Variants in WNT9B observed in about 807,000 individuals in gnomAD.
The protein encoded by WNT9B is Wnt family member 9B.
In WNT9B, 12 loss-of-function variants were observed where a neutral mutation model predicts 30.2. The ratio of observed to expected loss-of-function variants is 0.40; its 90% CI spans 0.26 to 0.64. The LOEUF (loss-of-function observed/expected upper bound fraction) is 0.64, where lower values mean the gene tolerates loss of function less well. Ranked by LOEUF, WNT9B falls within the 30% of genes least tolerant of loss-of-function variation. The pLI, the probability that WNT9B is intolerant of heterozygous loss-of-function variation, is 0.42. For synonymous variants in WNT9B, 218 were observed against 216.9 expected, an observed-to-expected ratio of 1.01 and a Z score of -0.05; for missense variants, 442 against 485.2, an observed-to-expected ratio of 0.91 and a Z score of 0.84.
intron 1 of WNT9B, among the ~76,000 whole-genome samples, chr17:46,865,813 C>T (rs1379213802): frequency 1.3e-5 from 2 of 152,084 alleles, no homozygotes; most frequent in Non-Finnish European, 2.9e-5. Flanking sequence ...GTCTCACTTA[C>T]GTTGCCCAGG....
At chr17:46,884,844 C>T (rs1026942198), downstream of WNT9B, among the ~76,000 whole-genome samples, 1 of 152,074 alleles carries the variant, frequency 6.6e-6, no homozygotes, top group African/African-American at 2.4e-5. Flanking sequence ...AGGGAGAGGC[C>T]GTGGAGCTGG....
intron 1 of WNT9B, among the ~76,000 whole-genome samples, chr17:46,839,072 T>G (rs575294471): frequency 6.6e-6 from 1 of 152,150 alleles, no homozygotes; most frequent in East Asian, 1.9e-4. Flanking sequence ...GAGACAGACT[T>G]TCACCATGTT....
intron 1 of WNT9B, among the ~76,000 whole-genome samples, chr17:46,840,355 G>A (rs1365813605): frequency 6.6e-6 from 1 of 152,136 alleles, no homozygotes; most frequent in Non-Finnish European, 1.5e-5. Context: ...CAAAGTGCTG[G>A]GATTACAGGC....
chr17:46,862,835 C>T (rs1289319996), intron 1 of WNT9B, among the ~76,000 whole-genome samples: 1 of 152,228 alleles, frequency 6.6e-6, no homozygotes, highest in African/African-American at 2.4e-5. Context: ...CCGCCCGCCT[C>T]GGCCTCCCAG....
intron 1 of WNT9B, among the ~76,000 whole-genome samples, chr17:46,839,928 CT>C: frequency 8.0e-6 from 1 of 125,750 alleles, no homozygotes; most frequent in South Asian, 2.6e-4. Context: ...TTCTTTCTTT[CT>C]TTCTTTCTTT....
At chr17:46,885,094 T>A (rs1435313227), downstream of WNT9B, 2 of 436,064 alleles carry the variant, frequency 4.6e-6, no homozygotes, top group Non-Finnish European at 4.6e-6. Flanking sequence ...ATTCAAGCGA[T>A]TCTCCCGTCT....
chr17:46,876,495 T>C lies in WNT9B; in HGVS notation c.851T>C (p.Met284Thr), dbSNP rs1439951991. 1.9e-6 allele frequency: 3 copies of C among 1,613,626 alleles called. No individual in the cohort carries two copies. In the South Asian group the frequency reaches 3.3e-5, roughly 18 times the overall value. The change falls in exon 4 of 4, where the codon ATG becomes ACG. Residue 284 changes from methionine to threonine, a missense_variant. Transcript: ENST00000290015. ...CCAAGGTCTGGGGACCTGGTGTACA[T>C]GGAGGACTCACCCAGCTTCTGCCGG... ...LAPRSGDLVY[M>T]EDSPSFCRPS...
chr17:46,859,667 G>T, intron 1 of WNT9B, among the ~76,000 whole-genome samples: 1 of 152,124 alleles, frequency 6.6e-6, no homozygotes, highest in Non-Finnish European at 1.5e-5. Context: ...AATTGCATGG[G>T]CTATTCAGGG....
At chr17:46,834,221 C>A (rs189740189) in intron 1 of WNT9B, among the ~76,000 whole-genome samples, 3 of 152,092 alleles carry the variant, frequency 2.0e-5, no homozygotes, top group Admixed American at 2.0e-4. Flanking sequence ...AAATGTCTTA[C>A]TTCCAGAGGG....
At chr17:46,849,784 C>G (rs1019867342), upstream of WNT9B, among the ~76,000 whole-genome samples, 1 of 152,146 alleles carries the variant, frequency 6.6e-6, no homozygotes, top group East Asian at 1.9e-4. Flanking sequence ...CATCACACCC[C>G]AGTCCTGCCT....
intron 1 of WNT9B, among the ~76,000 whole-genome samples, chr17:46,843,438 A>G (rs1198555729): frequency 2.0e-5 from 3 of 149,912 alleles, no homozygotes; most frequent in African/African-American, 2.4e-5. Context: ...GAAGGACTGA[A>G]AAAAAAAATC....
At chr17:46,865,559 AG>A (rs1879185368) in intron 1 of WNT9B, among the ~76,000 whole-genome samples, 1 of 152,112 alleles carries the variant, frequency 6.6e-6, no homozygotes, top group South Asian at 2.1e-4. Context: ...GCCAGACAGG[AG>A]GAACGAGTGG....
chr17:46,855,527 T>C (rs2084924573), intron 1 of WNT9B, among the ~76,000 whole-genome samples: 1 of 152,160 alleles, frequency 6.6e-6, no homozygotes, highest in African/African-American at 2.4e-5. Flanking sequence ...TCCCTAATGC[T>C]AACAGGGCTG....
Position 46,851,627 on chromosome 17 carries a change from G to A in WNT9B, c.-12G>A, listed in dbSNP as rs1490241289. The A allele has an allele frequency of 2.4e-6, 3 of 1,256,710 alleles. No individual in the cohort carries two copies. Among genetic ancestry groups the A allele is most frequent in the Non-Finnish European group, 1.0e-6 (1 of 1,002,942 alleles). 77.8% of individuals were successfully genotyped at this position (1,256,710 alleles called of 1,614,324 possible). A position where few individuals can be genotyped will look rare whatever the true frequency, so the allele number is the denominator to read the frequency against. On this transcript the variant is annotated 5_prime_UTR_variant, in exon 1 of 4. Coordinates refer to ENST00000290015, the MANE Select transcript of WNT9B (RefSeq NM_003396.3). This position sits in a 1 kb window ranked among gnomAD's most constrained non-coding sequence, Gnocchi z 4.3. ...GCGAGGAGATGCTAGAGGGCGCAGC[G>A]CCGCCAGCACCATGCGCCCCCCGCC... is the stretch of plus-strand genomic sequence containing the variant.
intron 1 of WNT9B, among the ~76,000 whole-genome samples, chr17:46,862,241 A>C (rs896661977): frequency 6.6e-6 from 1 of 152,060 alleles, no homozygotes; most frequent in African/African-American, 2.4e-5. Flanking sequence ...AGAACAAATA[A>C]ACTTAAAAAA....
chr17:46,885,621 T>A (rs547973650), exon 5 of WNT9B: 2 of 152,334 alleles, frequency 1.3e-5, no homozygotes, highest in South Asian at 4.1e-4. Context: ...ATTTTGTGTA[T>A]GTTTTGAGTG....
intron 1 of WNT9B, among the ~76,000 whole-genome samples, chr17:46,839,807 G>A (rs1433781506): frequency 6.6e-6 from 1 of 152,074 alleles, no homozygotes; most frequent in Non-Finnish European, 1.5e-5. Context: ...ATAGTTTGCT[G>A]AGAATGATGG....
chr17:46,875,523 C>T (rs796995114), intron 3 of WNT9B, among the ~76,000 whole-genome samples, 157 bp downstream of exon 3: 11 of 152,314 alleles, frequency 7.2e-5, no homozygotes, highest in African/African-American at 2.6e-4. Context: ...CCAGCATTCC[C>T]TTGGCATCTA....
rs111562761 is a variant in WNT9B at position 46,838,874 on chromosome 17, A to G, written c.95+5434A>G. Among the ~76,000 whole-genome samples, 5 of 151,954 alleles carry G rather than the reference A, an allele frequency of 3.3e-5. 1 individual carries two copies. The highest frequency in any genetic ancestry group is 1.2e-4 in the African/African-American group (5 of 41,462). On this transcript the variant is annotated intron_variant, in intron 1 of 2. Coordinates refer to the WNT9B transcript ENST00000575372. Reference sequence around the variant, plus strand: ...TTTCCAGGGGCTTGTTTTCTTTTCTAAAGAATTTTGTTTTGTTTTCTGAGA... The same window carrying G: ...TTTCCAGGGGCTTGTTTTCTTTTCTGAAGAATTTTGTTTTGTTTTCTGAGA...
Sources: allele counts gnomAD v4.1 joint callset (sites outside exome capture counted in the v4.1 genomes callset), GRCh38; gene constraint gnomAD v4.1.1; non-coding constraint Gnocchi (gnomAD v3.1); transcripts MANE v1.5; gene names NCBI Gene and HGNC (gene_info 2026-07-23, HGNC 2026-07-21).